Variants in TASP1 observed in about 807,000 individuals in gnomAD.
TASP1 encodes the protein threonine aspartase 1.
TASP1 carries 16 observed loss-of-function variants against 56.6 expected under a neutral mutation model. That is an observed-to-expected ratio of 0.28 (90% CI 0.19 to 0.43). TASP1 has a LOEUF of 0.43. Among genes scored for constraint, TASP1 ranks in the 20% least tolerant of loss-of-function variants. The pLI is 1.00. For synonymous variants in TASP1, 179 were observed against 184.2 expected (o/e 0.97, Z 0.23); for missense variants, 393 against 511.6 (o/e 0.77, Z 2.24).
At chr20:13,573,479 G>T (rs531400421) in intron 6 of TASP1, among the ~76,000 whole-genome samples, 53 of 152,258 alleles carry the variant, frequency 3.5e-4, no homozygotes, top group African/African-American at 1.3e-3. Flanking sequence ...AAGGTGTTTT[G>T]TTATAGTAGA....
the TASP1 span, among the ~76,000 whole-genome samples, chr20:13,252,335 A>G: frequency 6.6e-6 from 1 of 152,208 alleles, no homozygotes; most frequent in Non-Finnish European, 1.5e-5. Flanking sequence ...ACCTTCATAC[A>G]TGAATCATTG....
the TASP1 span, among the ~76,000 whole-genome samples, chr20:13,255,761 T>G: frequency 1.3e-5 from 2 of 152,268 alleles, no homozygotes; most frequent in East Asian, 3.9e-4. Context: ...CAGACATCTT[T>G]GCACCATGCA....
chr20:13,125,797 C>A, the TASP1 span, among the ~76,000 whole-genome samples: 1 of 152,198 alleles, frequency 6.6e-6, no homozygotes, highest in Non-Finnish European at 1.5e-5. Context: ...CCAGAACCAC[C>A]ACACCATCAC....
At chr20:13,141,293 A>G in the TASP1 span, among the ~76,000 whole-genome samples, 1 of 152,204 alleles carries the variant, frequency 6.6e-6, no homozygotes, top group Admixed American at 6.5e-5. Context: ...TGTGGCTGTT[A>G]TTGCAGATTT....
the TASP1 span, among the ~76,000 whole-genome samples, chr20:13,142,500 T>C: frequency 7.9e-5 from 12 of 152,212 alleles, no homozygotes; most frequent in African/African-American, 2.9e-4. Context: ...TGGGGAGGAT[T>C]AGGCAGGTGG....
the TASP1 span, among the ~76,000 whole-genome samples, chr20:13,219,376 ATTTAAAAG>A: frequency 6.6e-6 from 1 of 152,106 alleles, no homozygotes; most frequent in Non-Finnish European, 1.5e-5. Flanking sequence ...TCCTTCCAGG[ATTTAAAAG>A]CTGCTGGGAT....
the TASP1 span, among the ~76,000 whole-genome samples, chr20:13,226,507 TATTTCTTCATGA>T: frequency 6.6e-6 from 1 of 152,228 alleles, no homozygotes; most frequent in African/African-American, 2.4e-5. Flanking sequence ...ACCACCATTT[TATTTCTTCATGA>T]ATTTGTATGA....
the TASP1 span, among the ~76,000 whole-genome samples, chr20:13,328,431 A>T: frequency 1.3e-5 from 2 of 152,304 alleles, no homozygotes; most frequent in Admixed American, 1.3e-4. Flanking sequence ...CAGAAATATC[A>T]TTTGACCAGC....
At chr20:13,325,738 A>G in the TASP1 span, among the ~76,000 whole-genome samples, 5 of 152,204 alleles carry the variant, frequency 3.3e-5, no homozygotes, top group Admixed American at 3.3e-4. Flanking sequence ...AGGTTCATCC[A>G]TTTGAACCTG....
intron 13 of TASP1, among the ~76,000 whole-genome samples, chr20:13,409,834 A>T (rs1031052632): frequency 6.6e-6 from 1 of 152,114 alleles, no homozygotes; most frequent in Non-Finnish European, 1.5e-5. Flanking sequence ...ATATTGGGAA[A>T]ATTTCAAGTT....
intron 10 of TASP1, among the ~76,000 whole-genome samples, chr20:13,499,269 T>C (rs2043853403): frequency 6.6e-6 from 1 of 151,978 alleles, no homozygotes; most frequent in African/African-American, 2.4e-5. Flanking sequence ...TGGGTATATA[T>C]GGTCATAAAT....
intron 11 of TASP1, among the ~76,000 whole-genome samples, chr20:13,450,505 T>G (rs1409544095): frequency 6.6e-6 from 1 of 152,154 alleles, no homozygotes; most frequent in Non-Finnish European, 1.5e-5. Flanking sequence ...TTCTTTGTCC[T>G]TATTTCAACA....
the TASP1 span, among the ~76,000 whole-genome samples, chr20:13,297,179 G>C: frequency 6.6e-6 from 1 of 152,216 alleles, no homozygotes; most frequent in Non-Finnish European, 1.5e-5. Flanking sequence ...TATGGGGAAA[G>C]GGCGTTCTTT....
At chr20:13,317,683 C>G in the TASP1 span, among the ~76,000 whole-genome samples, 4 of 152,162 alleles carry the variant, frequency 2.6e-5, no homozygotes, top group East Asian at 7.7e-4. Flanking sequence ...AAAGACAACA[C>G]AGTGGAGAAA....
At chr20:13,487,371 A>T (rs1386827978) in intron 10 of TASP1, among the ~76,000 whole-genome samples, 4 of 152,188 alleles carry the variant, frequency 2.6e-5, no homozygotes, top group African/African-American at 9.6e-5. Flanking sequence ...CTTAACTGTC[A>T]TTCTGGCCAG....
chr20:13,510,739 G>A (rs1176580392), intron 10 of TASP1, among the ~76,000 whole-genome samples: 1 of 152,100 alleles, frequency 6.6e-6, no homozygotes, highest in Admixed American at 6.6e-5. Flanking sequence ...TGACCTCTCT[G>A]AACTACAGCT....
At chr20:13,492,361 T>C (rs763201298) in intron 10 of TASP1, among the ~76,000 whole-genome samples, 1 of 152,216 alleles carries the variant, frequency 6.6e-6, no homozygotes, top group Non-Finnish European at 1.5e-5. Flanking sequence ...GTTTCCAGTA[T>C]TGCAACATCT....
chr20:13,352,833 C>G, the TASP1 span, among the ~76,000 whole-genome samples: 2,694 of 152,326 alleles, frequency 0.018, 76 homozygotes, highest in African/African-American at 0.059. Context: ...TCACCACTCT[C>G]TATATCTACA....
At chr20:13,498,411 T>C (rs903242547) in intron 10 of TASP1, among the ~76,000 whole-genome samples, 14 of 146,782 alleles carry the variant, frequency 9.5e-5, no homozygotes, top group Non-Finnish European at 1.9e-4. Context: ...CAGGCTGGAG[T>C]GCAGTGGTGC....
Sources: gnomAD v4.1 joint callset for allele counts (sites outside exome capture counted in the v4.1 genomes callset) on GRCh38, gnomAD v4.1.1 for gene constraint, MANE v1.5 for transcripts, NCBI Gene and HGNC (gene_info 2026-07-23, HGNC 2026-07-21) for gene names.